Variants in KCNQ5 observed in about 807,000 individuals in gnomAD.
The protein encoded by KCNQ5 is potassium voltage-gated channel subfamily Q member 5.
A neutral mutation model predicts 98.2 loss-of-function variants in KCNQ5; 30 were observed. The ratio of observed to expected loss-of-function variants is 0.31; its 90% CI spans 0.23 to 0.41. The LOEUF (loss-of-function observed/expected upper bound fraction) is 0.41, where lower values mean the gene tolerates loss of function less well. KCNQ5 is among the 10% of genes least tolerant of loss of function. KCNQ5 has a pLI of 1.00. For missense variants in KCNQ5, 835 were observed against 1,182.5 expected, an observed-to-expected ratio of 0.71 and a Z score of 4.31; for synonymous variants, 458 against 449.4, an observed-to-expected ratio of 1.02 and a Z score of -0.24.
chr6:73,100,211 G>T (rs1433953782), intron 5 of KCNQ5, among the ~76,000 whole-genome samples: 2 of 152,162 alleles, frequency 1.3e-5, no homozygotes, highest in African/African-American at 4.8e-5. Context: ...TAAAAGGGAA[G>T]TTTATAACTA....
chr6:73,067,601 C>A (rs188624215), intron 3 of KCNQ5, among the ~76,000 whole-genome samples: 2 of 152,180 alleles, frequency 1.3e-5, no homozygotes, highest in Admixed American at 1.3e-4. Context: ...ATACTCATAA[C>A]CTCTGTGCCT....
At chr6:73,097,599 T>G (rs1263387974) in intron 5 of KCNQ5, among the ~76,000 whole-genome samples, 1 of 152,148 alleles carries the variant, frequency 6.6e-6, no homozygotes, top group African/African-American at 2.4e-5. Context: ...CAGTGCAGTC[T>G]CAGTGATGGT....
chr6:73,105,234 C>T (rs1374479020), intron 5 of KCNQ5, 23 bp from the exon 6 acceptor site: 2 of 1,405,918 alleles, frequency 1.4e-6, no homozygotes, highest in Non-Finnish European at 2.0e-6. Context: ...TTAAGCTGCA[C>T]ATTCTATTTA....
intron 1 of KCNQ5, among the ~76,000 whole-genome samples, chr6:72,784,296 C>T (rs1441016135): frequency 2.0e-5 from 3 of 152,044 alleles, no homozygotes; most frequent in Admixed American, 6.5e-5. Flanking sequence ...CCCTAGATTC[C>T]AAACTTGATG....
chr6:72,724,086 A>G (rs74516342), intron 1 of KCNQ5, among the ~76,000 whole-genome samples: 1,760 of 152,250 alleles, frequency 0.012, 28 homozygotes, highest in African/African-American at 0.039. Context: ...TATATTTTAT[A>G]TAGATGTTTT....
intron 7 of KCNQ5, among the ~76,000 whole-genome samples, chr6:73,111,693 A>T (rs1398922489): frequency 6.6e-6 from 1 of 152,212 alleles, no homozygotes; most frequent in Non-Finnish European, 1.5e-5. Context: ...TCGTGGAATT[A>T]TCTAATATGT....
intron 1 of KCNQ5, among the ~76,000 whole-genome samples, chr6:72,915,631 T>C (rs1337360436): frequency 6.6e-6 from 1 of 152,180 alleles, no homozygotes; most frequent in African/African-American, 2.4e-5. Flanking sequence ...AACTTAAAGA[T>C]TTAAAGCATA....
At chr6:72,805,952 C>A (rs570876604) in intron 1 of KCNQ5, among the ~76,000 whole-genome samples, 2 of 152,104 alleles carry the variant, frequency 1.3e-5, no homozygotes, top group Admixed American at 1.3e-4. Context: ...TCCATGATTT[C>A]TTTTTCAGAT....
At chr6:73,078,764 A>C (rs1773639975) in intron 5 of KCNQ5, among the ~76,000 whole-genome samples, 1 of 152,210 alleles carries the variant, frequency 6.6e-6, no homozygotes, top group Non-Finnish European at 1.5e-5. Context: ...AAATAGCTCA[A>C]AGGCTATGAA....
chr6:73,162,901 C>G (rs542123294), intron 10 of KCNQ5, among the ~76,000 whole-genome samples: 6 of 152,228 alleles, frequency 3.9e-5, no homozygotes, highest in Non-Finnish European at 7.4e-5. Context: ...ATTGACGTGT[C>G]TAAATGATCC....
At chr6:72,835,892 CTATA>C (rs1371548486) in intron 1 of KCNQ5, among the ~76,000 whole-genome samples, 2 of 152,180 alleles carry the variant, frequency 1.3e-5, no homozygotes, top group Non-Finnish European at 2.9e-5. Flanking sequence ...AATGGAATGA[CTATA>C]TAATAGTATA....
chr6:73,024,396 T>C (rs557375199), intron 2 of KCNQ5, among the ~76,000 whole-genome samples: 1 of 1,192 alleles, frequency 8.4e-4, no homozygotes, highest in African/African-American at 1.3e-3. Flanking sequence ...GATAGATAGA[T>C]AGATAGATAG....
At chr6:72,900,952 T>G (rs959794345) in intron 1 of KCNQ5, among the ~76,000 whole-genome samples, 2 of 152,216 alleles carry the variant, frequency 1.3e-5, no homozygotes, top group African/African-American at 2.4e-5. Flanking sequence ...TATCTTCTTT[T>G]GAGAATTGTC....
At chr6:73,151,779 T>C (rs937766751) in intron 10 of KCNQ5, among the ~76,000 whole-genome samples, 3 of 152,240 alleles carry the variant, frequency 2.0e-5, no homozygotes, top group African/African-American at 7.2e-5. Flanking sequence ...TATTTTCTTC[T>C]AGATTGGATT....
intron 10 of KCNQ5, among the ~76,000 whole-genome samples, chr6:73,139,555 A>G (rs573730267): frequency 1.3e-5 from 2 of 152,230 alleles, no homozygotes; most frequent in Admixed American, 6.5e-5. Context: ...GTTCCTCTAA[A>G]TGTCCGGGCT....
At chr6:72,758,915 A>T (rs9446749) in intron 1 of KCNQ5, among the ~76,000 whole-genome samples, 19,646 of 152,188 alleles carry the variant, frequency 0.13, 1,399 homozygotes, top group South Asian at 0.17. Context: ...GAATAAAGCC[A>T]TATTAGGAAG....
chr6:72,743,326 TTATG>T (rs1377340530), intron 1 of KCNQ5, among the ~76,000 whole-genome samples: 8 of 151,592 alleles, frequency 5.3e-5, no homozygotes, highest in Non-Finnish European at 1.0e-4. Context: ...ATAATATACA[TTATG>T]TATTTTAAAT....
chr6:72,727,032 A>T (rs1362284248), intron 1 of KCNQ5, among the ~76,000 whole-genome samples: 1 of 152,254 alleles, frequency 6.6e-6, no homozygotes, highest in Non-Finnish European at 1.5e-5. Context: ...TTGTTGAAAT[A>T]TAAGTCAGTT....
chr6:72,651,027 A>C (rs1765850695), intron 1 of KCNQ5, among the ~76,000 whole-genome samples: 1 of 152,080 alleles, frequency 6.6e-6, no homozygotes, highest in African/African-American at 2.4e-5. Context: ...AATATTTTGT[A>C]AACTGTTTTG....
Sources: allele counts gnomAD v4.1 joint callset (sites outside exome capture counted in the v4.1 genomes callset), GRCh38; gene constraint gnomAD v4.1.1; transcripts MANE v1.5; gene names NCBI Gene and HGNC (gene_info 2026-07-23, HGNC 2026-07-21).